The following SLC28A3 variants were observed in gnomAD, a reference collection of about 807,000 sequenced individuals.
The protein encoded by SLC28A3 is solute carrier family 28 member 3.
In SLC28A3, 68 loss-of-function variants were observed where a neutral mutation model predicts 84.2. The ratio of observed to expected loss-of-function variants is 0.81; its 90% CI spans 0.66 to 0.99. SLC28A3 has a LOEUF of 0.99. Ranked by LOEUF, SLC28A3 falls within the 50% of genes least tolerant of loss-of-function variation. The pLI is 0.00. For missense variants in SLC28A3, 712 were observed against 841.5 expected (o/e 0.85, Z 1.90); for synonymous variants, 267 against 303.6 (o/e 0.88, Z 1.25).
At chr9:84,314,887 G>A (rs1039803022) in intron 1 of SLC28A3, among the ~76,000 whole-genome samples, 2 of 152,192 alleles carry the variant, frequency 1.3e-5, no homozygotes, top group Non-Finnish European at 2.9e-5. Flanking sequence ...GACCATCCTG[G>A]CTAACATGGT....
intron 3 of SLC28A3, among the ~76,000 whole-genome samples, chr9:84,308,119 T>C (rs1475331792): frequency 1.3e-5 from 2 of 152,218 alleles, no homozygotes; most frequent in Admixed American, 1.3e-4. Flanking sequence ...GTTCCTCCTG[T>C]AGTCCCAGCT....
chr9:84,346,017 CAG>C, the SLC28A3 span, among the ~76,000 whole-genome samples: 1 of 152,172 alleles, frequency 6.6e-6, no homozygotes, highest in African/African-American at 2.4e-5. Context: ...CCCAGTCATG[CAG>C]AGTCATTATT....
At chr9:84,291,978 G>A (rs549276845) in intron 10 of SLC28A3, among the ~76,000 whole-genome samples, 2 of 152,262 alleles carry the variant, frequency 1.3e-5, no homozygotes, top group East Asian at 1.9e-4. Context: ...GCAAAAGAGC[G>A]TTTCTCCATG....
At chr9:84,344,478 C>T (rs971292521), upstream of SLC28A3, among the ~76,000 whole-genome samples, 3 of 152,070 alleles carry the variant, frequency 2.0e-5, no homozygotes, top group Admixed American at 6.6e-5. Flanking sequence ...TGTGAGCCAC[C>T]GCACCCGGCC....
chr9:84,337,016 G>A (rs370470239), intron 1 of SLC28A3, among the ~76,000 whole-genome samples: 36 of 152,130 alleles, frequency 2.4e-4, no homozygotes, highest in African/African-American at 8.4e-4. Context: ...GTGCTGGCTG[G>A]GTGTTGTGGC....
the SLC28A3 span, among the ~76,000 whole-genome samples, chr9:84,363,661 A>T: frequency 2.0e-5 from 3 of 152,300 alleles, no homozygotes; most frequent in African/African-American, 7.2e-5. Context: ...AAGATAAAAG[A>T]TGGCTGTGCC....
At chr9:84,307,694 A>G (rs1217824645) in intron 3 of SLC28A3, among the ~76,000 whole-genome samples, 1 of 149,646 alleles carries the variant, frequency 6.7e-6, no homozygotes, top group Non-Finnish European at 1.5e-5. Flanking sequence ...AGATATATTA[A>G]GAAGCAGCAG....
chr9:84,318,885 A>G (rs57728431), intron 1 of SLC28A3, among the ~76,000 whole-genome samples: 22,254 of 151,932 alleles, frequency 0.15, 2,031 homozygotes, highest in African/African-American at 0.24. Flanking sequence ...AAAAAAAAAG[A>G]AAAAGGAATA....
the SLC28A3 span, among the ~76,000 whole-genome samples, chr9:84,353,526 A>G: frequency 6.6e-6 from 1 of 152,208 alleles, no homozygotes; most frequent in Non-Finnish European, 1.5e-5. Flanking sequence ...CATGGCCAAC[A>G]TGGTGAAACC....
intron 9 of SLC28A3, 30 bp downstream of exon 9, chr9:84,294,165 C>A (rs1446593046): frequency 6.2e-7 from 1 of 1,610,820 alleles, no homozygotes; most frequent in Non-Finnish European, 8.5e-7. Context: ...AGCTCTACAC[C>A]TATAACCCAG....
intron 1 of SLC28A3, among the ~76,000 whole-genome samples, chr9:84,315,117 T>TAC (rs1296821826): frequency 1.3e-5 from 2 of 152,264 alleles, no homozygotes; most frequent in African/African-American, 4.8e-5. Flanking sequence ...AGAAAAAATA[T>TAC]ACATAGTATG....
chr9:84,336,766 G>T (rs1377011125), intron 1 of SLC28A3, among the ~76,000 whole-genome samples: 1 of 152,192 alleles, frequency 6.6e-6, no homozygotes, highest in Non-Finnish European at 1.5e-5. Flanking sequence ...CCTGATGCCA[G>T]CCTGCCCCCT....
chr9:84,351,336 C>T, the SLC28A3 span, among the ~76,000 whole-genome samples: 1 of 152,026 alleles, frequency 6.6e-6, no homozygotes, highest in African/African-American at 2.4e-5. Context: ...AGGTACATGA[C>T]TTTATTAGTA....
chr9:84,309,546 AAAGAAAT>A, intron 3 of SLC28A3, 76 bp downstream of exon 3: 1 of 827,974 alleles, frequency 1.2e-6, no homozygotes, highest in African/African-American at 1.9e-5. Flanking sequence ...AAAAAAAAAA[AAAGAAAT>A]CAAATGGGGA....
At chr9:84,341,991 T>C (rs1057272598), upstream of SLC28A3, among the ~76,000 whole-genome samples, 1 of 151,412 alleles carries the variant, frequency 6.6e-6, no homozygotes, top group Non-Finnish European at 1.5e-5. Context: ...TAGCCAGGAG[T>C]GATAACGTGC....
chr9:84,359,047 G>A, the SLC28A3 span, among the ~76,000 whole-genome samples: 5 of 152,208 alleles, frequency 3.3e-5, no homozygotes, highest in South Asian at 8.3e-4. Context: ...CAAGTGATCC[G>A]CCTGCCTCCG....
chr9:84,330,068 T>G (rs1301855448), intron 1 of SLC28A3, among the ~76,000 whole-genome samples: 1 of 150,446 alleles, frequency 6.6e-6, no homozygotes, highest in East Asian at 2.0e-4. Flanking sequence ...AAGAAAGAAA[T>G]AATGAAGATT....
At chr9:84,326,474 C>G (rs1826552625) in intron 1 of SLC28A3, among the ~76,000 whole-genome samples, 1 of 152,194 alleles carries the variant, frequency 6.6e-6, no homozygotes, top group Non-Finnish European at 1.5e-5. Flanking sequence ...TCTGAAACCT[C>G]CCTGCAGCCT....
intron 3 of SLC28A3, 28 bp from the exon 4 acceptor site, chr9:84,305,373 A>G: frequency 6.3e-7 from 1 of 1,576,574 alleles, no homozygotes; most frequent in Non-Finnish European, 8.7e-7. Flanking sequence ...AAAGGCAGGG[A>G]GAAGTAAACA....
Sources: allele counts gnomAD v4.1 joint callset (sites outside exome capture counted in the v4.1 genomes callset), GRCh38; gene constraint gnomAD v4.1.1; transcripts MANE v1.5; gene names NCBI Gene and HGNC (gene_info 2026-07-23, HGNC 2026-07-21).